Variants in TASP1 observed in about 807,000 individuals in gnomAD.
The protein encoded by TASP1 is threonine aspartase 1.
A neutral mutation model predicts 56.6 loss-of-function variants in TASP1; 16 were observed. The ratio of observed to expected loss-of-function variants is 0.28; its 90% confidence interval spans 0.19 to 0.43. TASP1 has a LOEUF of 0.43. Ranked by LOEUF, TASP1 falls within the 20% of genes least tolerant of loss-of-function variation. The probability of loss-of-function intolerance (pLI) is 1.00; values close to 1 mark genes in which losing one functional copy is unlikely to be tolerated. For missense variants in TASP1, 393 were observed against 511.6 expected, an observed-to-expected ratio of 0.77 and a Z score of 2.24; for synonymous variants, 179 against 184.2, an observed-to-expected ratio of 0.97 and a Z score of 0.23.
chr20:13,512,576 T>TC (rs1052630847), intron 10 of TASP1, among the ~76,000 whole-genome samples: 1,767 of 152,258 alleles, frequency 0.012, 36 homozygotes, highest in African/African-American at 0.04. Context: ...GATAGTAGTT[T>TC]TTTTGCTGTG....
chr20:13,241,762 T>C, the TASP1 span, among the ~76,000 whole-genome samples: 1 of 152,070 alleles, frequency 6.6e-6, no homozygotes, highest in Non-Finnish European at 1.5e-5. Flanking sequence ...TAGTATTCAT[T>C]TGAGGGTTTG....
intron 13 of TASP1, among the ~76,000 whole-genome samples, chr20:13,400,338 C>T (rs1026848334): frequency 5.3e-5 from 8 of 152,128 alleles, no homozygotes; most frequent in African/African-American, 1.9e-4. Context: ...AGTAATAAGG[C>T]TTCCGTCTTA....
At chr20:13,447,245 AT>A (rs2043445205) in intron 11 of TASP1, among the ~76,000 whole-genome samples, 2 of 152,164 alleles carry the variant, frequency 1.3e-5, no homozygotes, top group Admixed American at 1.3e-4. Flanking sequence ...TACATGAAAA[AT>A]AGTAGTATCA....
chr20:13,633,369 T>G (rs1354324027), intron 1 of TASP1, among the ~76,000 whole-genome samples: 1 of 152,184 alleles, frequency 6.6e-6, no homozygotes, highest in Non-Finnish European at 1.5e-5. Context: ...GATAGAAATT[T>G]CACTGTTCAC....
chr20:13,262,516 A>G, the TASP1 span, among the ~76,000 whole-genome samples: 1 of 94,740 alleles, frequency 1.1e-5, no homozygotes, highest in Non-Finnish European at 2.2e-5. Context: ...TGCTTCTTAC[A>G]TGTTTTCTTA....
At chr20:13,429,607 T>C (rs1415573396) in intron 12 of TASP1, among the ~76,000 whole-genome samples, 1 of 150,330 alleles carries the variant, frequency 6.7e-6, no homozygotes, top group African/African-American at 2.5e-5. Flanking sequence ...CAGCACAGGG[T>C]GTGTGTGAGT....
chr20:13,302,699 A>G, the TASP1 span, among the ~76,000 whole-genome samples: 1 of 152,046 alleles, frequency 6.6e-6, no homozygotes, highest in Non-Finnish European at 1.5e-5. Flanking sequence ...AGCTGCTCAA[A>G]TTTTTCTCTT....
intron 10 of TASP1, among the ~76,000 whole-genome samples, chr20:13,517,360 G>A (rs1420341486): frequency 6.6e-6 from 1 of 151,984 alleles, no homozygotes; most frequent in Non-Finnish European, 1.5e-5. Context: ...CAAAATACAT[G>A]AACTCATGAT....
chr20:13,449,545 GTAAA>G (rs573160610), intron 11 of TASP1, among the ~76,000 whole-genome samples: 3 of 152,062 alleles, frequency 2.0e-5, no homozygotes, highest in Non-Finnish European at 2.9e-5. Context: ...TTTTAAGTAA[GTAAA>G]TAAATAAATC....
the TASP1 span, among the ~76,000 whole-genome samples, chr20:13,366,673 T>A: frequency 6.6e-6 from 1 of 152,196 alleles, no homozygotes; most frequent in African/African-American, 2.4e-5. Context: ...CTGCATAATG[T>A]GACACAGGTC....
the TASP1 span, among the ~76,000 whole-genome samples, chr20:13,206,569 A>G: frequency 6.6e-6 from 1 of 152,144 alleles, no homozygotes; most frequent in Non-Finnish European, 1.5e-5. Context: ...GGTTGGTGAG[A>G]CAGGAGGGAG....
chr20:13,608,175 C>T (rs1210515440), intron 4 of TASP1, among the ~76,000 whole-genome samples: 1 of 152,112 alleles, frequency 6.6e-6, no homozygotes, highest in Non-Finnish European at 1.5e-5. Context: ...GTACAATATG[C>T]CTATCTTAGC....
chr20:13,615,268 C>A (rs1252313057), intron 4 of TASP1, among the ~76,000 whole-genome samples: 1 of 152,104 alleles, frequency 6.6e-6, no homozygotes, highest in Non-Finnish European at 1.5e-5. Context: ...GTGTCATGAA[C>A]TGTCAGGAAA....
the TASP1 span, among the ~76,000 whole-genome samples, chr20:13,319,729 C>A: frequency 7.2e-5 from 11 of 152,278 alleles, no homozygotes; most frequent in African/African-American, 2.4e-4. Flanking sequence ...TGAAGATTAA[C>A]CCCCTCCCCC....
intron 12 of TASP1, among the ~76,000 whole-genome samples, chr20:13,421,342 T>C (rs1238487224): frequency 6.6e-6 from 1 of 152,012 alleles, no homozygotes; most frequent in Non-Finnish European, 1.5e-5. Flanking sequence ...TTCAAAGTGC[T>C]GGGATTACAG....
intron 10 of TASP1, among the ~76,000 whole-genome samples, chr20:13,512,676 C>A (rs2044380328): frequency 6.6e-6 from 1 of 152,140 alleles, no homozygotes; most frequent in Non-Finnish European, 1.5e-5. Context: ...AGTCTTTGCC[C>A]ATGCCTATGT....
chr20:13,266,033 G>A, the TASP1 span, among the ~76,000 whole-genome samples: 1 of 152,154 alleles, frequency 6.6e-6, no homozygotes, highest in Admixed American at 6.5e-5. Flanking sequence ...AGAGAGAAAG[G>A]CAAATGGCAA....
At chr20:13,288,412 A>G in the TASP1 span, 1 of 994,806 alleles carries the variant, frequency 1.0e-6, no homozygotes, top group Non-Finnish European at 1.5e-6. Context: ...CTCCAGCTGA[A>G]AAGTCCTCTC....
At chr20:13,329,535 A>G in the TASP1 span, among the ~76,000 whole-genome samples, 4 of 151,370 alleles carry the variant, frequency 2.6e-5, no homozygotes, top group East Asian at 7.7e-4. Context: ...GCAAATAAAT[A>G]TAGTAATATG....
Sources: gnomAD v4.1 joint callset for allele counts (sites outside exome capture counted in the v4.1 genomes callset) on GRCh38, gnomAD v4.1.1 for gene constraint, MANE v1.5 for transcripts, NCBI Gene and HGNC (gene_info 2026-07-23, HGNC 2026-07-21) for gene names.